Variants in GBF1 observed in about 807,000 individuals in gnomAD.
GBF1 encodes the protein Golgi-specific brefeldin A-resistance guanine nucleotide exchange factor 1.
Under a neutral mutation model 210.5 loss-of-function variants are expected in GBF1, and 114 were observed. That is an observed-to-expected ratio of 0.54 (90% CI 0.47 to 0.63). GBF1 has a LOEUF of 0.63. Among genes scored for constraint, GBF1 ranks in the 30% least tolerant of loss-of-function variants. The pLI is 0.00. For missense variants in GBF1, 1,851 were observed against 2,357.7 expected (o/e 0.79, Z 4.45); for synonymous variants, 850 against 889.2 (o/e 0.96, Z 0.78).
chr10:102,328,422 G>C (rs1316560328), intron 3 of GBF1, among the ~76,000 whole-genome samples: 1 of 152,164 alleles, frequency 6.6e-6, no homozygotes, highest in Admixed American at 6.6e-5. Context: ...TTACTTGAGA[G>C]GTTGCAGTGA....
rs1180758541 is a variant in GBF1 at position 102,379,312 on chromosome 10, C to T, written c.4523C>T (p.Thr1508Met). 1.9e-6 allele frequency: 3 copies of T among 1,613,748 alleles called. No homozygotes were observed. Among genetic ancestry groups the T allele is most frequent in the Non-Finnish European group, 2.5e-6 (3 of 1,179,948 alleles). ...CTAGACCTGATGCACACCCTGCACACGCGGGCAGCCTCTATCTACAGCTCA... is the reference window on the plus strand; with the variant it reads ...CTAGACCTGATGCACACCCTGCACATGCGGGCAGCCTCTATCTACAGCTCA... The part of the protein sequence containing the change: ...DLLDLMHTLH[T>M]RAASIYSSWA... The change falls in exon 34 of 40, where the codon ACG becomes ATG. Residue 1508 changes from threonine to methionine, a missense_variant. Physicochemically the swap from Thr to Met is moderately conservative, Grantham distance 81 (BLOSUM62 -1). Coordinates refer to ENST00000369983, the MANE Select transcript of GBF1 (RefSeq NM_001377137.1).
chr10:102,322,647 C>A (rs1380396211), intron 3 of GBF1, among the ~76,000 whole-genome samples: 1 of 145,666 alleles, frequency 6.9e-6, no homozygotes, highest in Non-Finnish European at 1.5e-5. Flanking sequence ...TTTGGGAGGC[C>A]GAGGCAGGAG....
At chr10:102,247,494 C>T (rs1468215987) in intron 1 of GBF1, among the ~76,000 whole-genome samples, 1 of 152,186 alleles carries the variant, frequency 6.6e-6, no homozygotes, top group Non-Finnish European at 1.5e-5. Context: ...CTGCCTTGCT[C>T]ACTTGGGCCA....
chr10:102,310,720 A>G (rs577335503), intron 3 of GBF1, among the ~76,000 whole-genome samples: 1 of 152,306 alleles, frequency 6.6e-6, no homozygotes, highest in East Asian at 1.9e-4. Context: ...TCTGTTTATT[A>G]GAGGTGACAT....
At chr10:102,264,240 T>C (rs1221279702) in intron 3 of GBF1, among the ~76,000 whole-genome samples, 1 of 152,176 alleles carries the variant, frequency 6.6e-6, no homozygotes, top group East Asian at 1.9e-4. Context: ...CTCAGAACTG[T>C]GGAGGGAAGT....
chr10:102,288,748 A>AAG (rs1388239823), intron 3 of GBF1, among the ~76,000 whole-genome samples: 1 of 150,430 alleles, frequency 6.6e-6, no homozygotes, highest in Non-Finnish European at 1.5e-5. Context: ...AAAAAAAAAA[A>AAG]CGAAATTACT....
chr10:102,368,558 G>T, intron 22 of GBF1, 104 bp downstream of exon 22: 2 of 860,420 alleles, frequency 2.3e-6, no homozygotes, highest in Non-Finnish European at 3.8e-6. Context: ...TTAGAATGGG[G>T]TTCCCCCTGA....
intron 1 of GBF1, among the ~76,000 whole-genome samples, chr10:102,256,381 C>T (rs1490653463): frequency 1.3e-5 from 2 of 152,054 alleles, no homozygotes; most frequent in Non-Finnish European, 2.9e-5. Flanking sequence ...TCTCTATTAT[C>T]TCTGGCTGTG....
At chr10:102,262,737 C>A (rs1422081713) in intron 3 of GBF1, among the ~76,000 whole-genome samples, 1 of 152,172 alleles carries the variant, frequency 6.6e-6, no homozygotes, top group African/African-American at 2.4e-5. Flanking sequence ...GAGACCATAC[C>A]TGTGGTGAAT....
intron 1 of GBF1, among the ~76,000 whole-genome samples, chr10:102,248,621 T>A (rs1259188262): frequency 6.6e-6 from 1 of 152,058 alleles, no homozygotes; most frequent in African/African-American, 2.4e-5. Flanking sequence ...GCCTTTATTT[T>A]TTTTTTGTCT....
chr10:102,359,504 C>T, intron 11 of GBF1, 69 bp downstream of exon 11: 2 of 1,144,262 alleles, frequency 1.7e-6, no homozygotes, highest in South Asian at 2.5e-5. Context: ...TGAGCCTAGA[C>T]CGTCTTAAAC....
At chr10:102,257,728 T>G (rs1000844185) in intron 1 of GBF1, among the ~76,000 whole-genome samples, 6 of 151,960 alleles carry the variant, frequency 3.9e-5, no homozygotes, top group Non-Finnish European at 8.8e-5. Flanking sequence ...AAATTTTTAT[T>G]GAGTAGATTA....
At chr10:102,328,899 A>G (rs1230844586) in intron 3 of GBF1, among the ~76,000 whole-genome samples, 1 of 152,206 alleles carries the variant, frequency 6.6e-6, no homozygotes, top group Non-Finnish European at 1.5e-5. Flanking sequence ...TAGACTCTGA[A>G]AGGAATTTGT....
chr10:102,319,046 AGTGGCTCATGCCTGTAATCCCAGCACTTT>A (rs2134120171), intron 3 of GBF1, among the ~76,000 whole-genome samples: 1 of 152,310 alleles, frequency 6.6e-6, no homozygotes, highest in South Asian at 2.1e-4. Context: ...GGCTGGGCGC[AGTGGCTCATGCCTGTAATCCCAGCACTTT>A]GGGAGGCTAA....
At chr10:102,323,239 G>GGA (rs1554964083) in intron 3 of GBF1, among the ~76,000 whole-genome samples, 1 of 65,848 alleles carries the variant, frequency 1.5e-5, no homozygotes, top group Non-Finnish European at 2.8e-5. Context: ...CTCCAAAATT[G>GGA]AAAAAAAAAA....
intron 3 of GBF1, among the ~76,000 whole-genome samples, chr10:102,294,025 G>A (rs953422001): frequency 7.9e-5 from 12 of 151,414 alleles, no homozygotes; most frequent in African/African-American, 2.7e-4. Context: ...TGATCCACCC[G>A]CCTCGGCCTC....
chr10:102,233,304 C>CTTTTTTTTTT, the GBF1 span, among the ~76,000 whole-genome samples: 1 of 107,910 alleles, frequency 9.3e-6, no homozygotes, highest in Non-Finnish European at 1.8e-5. Flanking sequence ...TTTTTTCCTT[C>CTTTTTTTTTT]TTTTTTTTTT....
At position 102,353,663 on chromosome 10, in the gene GBF1, T is replaced by A. The variant is rs2059132265; in HGVS notation, c.639+9T>A. ...GGACCAACATGAAGAAGGTATGATC[T>A]GAGAGCTGATCTGCTGTCCCTCATC... On this transcript the variant is annotated intron_variant, in intron 8 of 39. Coordinates refer to ENST00000369983, the MANE Select transcript of GBF1 (RefSeq NM_001377137.1). 5.6e-6 allele frequency: 9 copies of A among 1,599,178 alleles called. No individual in the cohort carries two copies. The highest frequency in any genetic ancestry group is 1.3e-5 in the African/African-American group (1 of 74,742).
chr10:102,232,829 C>T, the GBF1 span, among the ~76,000 whole-genome samples: 1 of 152,204 alleles, frequency 6.6e-6, no homozygotes, highest in Non-Finnish European at 1.5e-5. Flanking sequence ...AGACACAGAC[C>T]AGATGTCTGT....
Sources: gnomAD v4.1 joint callset for allele counts (sites outside exome capture counted in the v4.1 genomes callset) on GRCh38, gnomAD v4.1.1 for gene constraint, MANE v1.5 for transcripts, NCBI Gene and HGNC (gene_info 2026-07-23, HGNC 2026-07-21) for gene names.